Variants in RAB11FIP4 observed in about 807,000 individuals in gnomAD.
RAB11FIP4 encodes RAB11 family interacting protein 4, also known as rab11 family-interacting protein 4.
RAB11FIP4 carries 23 observed loss-of-function variants against 74.3 expected under a neutral mutation model. That is an observed-to-expected ratio of 0.31 (90% confidence interval 0.22 to 0.44). RAB11FIP4 has a LOEUF of 0.44. Among genes scored for constraint, RAB11FIP4 ranks in the 20% least tolerant of loss-of-function variants. The pLI is 1.00. For missense variants in RAB11FIP4, 630 were observed against 863.9 expected (o/e 0.73, Z 3.39); for synonymous variants, 360 against 359.9 (o/e 1.00, Z 0.00).
chr17:31,451,695 G>T (rs767113490), intron 3 of RAB11FIP4, among the ~76,000 whole-genome samples: 21 of 152,006 alleles, frequency 1.4e-4, no homozygotes, highest in Non-Finnish European at 1.9e-4. Flanking sequence ...CCTTTGCCTG[G>T]CTTCCCCTTC....
At chr17:31,511,576 G>C (rs2072452976) in intron 3 of RAB11FIP4, among the ~76,000 whole-genome samples, 1 of 152,212 alleles carries the variant, frequency 6.6e-6, no homozygotes, top group Non-Finnish European at 1.5e-5. Flanking sequence ...CCCACTTAGG[G>C]TCCTTGCTCT....
Position 31,517,710 on chromosome 17 carries a change from C to CT in RAB11FIP4, c.402dup (p.Pro135SerfsTer14). 1.9e-6 allele frequency: 3 copies of CT among 1,606,212 alleles called. No individual in the cohort carries two copies. The highest frequency in any genetic ancestry group is 1.7e-6 in the Non-Finnish European group (2 of 1,177,056). ...GCGAGCTCATCCCCAGGGAACCCGGCTTTTTTCCCGAGGACGAGGAGGAGG... is the reference window on the plus strand; with the variant it reads ...GCGAGCTCATCCCCAGGGAACCCGGCTTTTTTTCCCGAGGACGAGGAGGAGG... On this transcript the variant is annotated frameshift_variant, in exon 4 of 15. Transcript: ENST00000621161. LOFTEE classifies it high-confidence loss of function.
At chr17:31,397,549 C>T (rs1180176932) in intron 1 of RAB11FIP4, among the ~76,000 whole-genome samples, 3 of 152,182 alleles carry the variant, frequency 2.0e-5, no homozygotes, top group African/African-American at 2.4e-5. Flanking sequence ...GCCCAGGTGC[C>T]CTGAGCCTGG....
chr17:31,513,717 GACAA>G (rs1333674204), intron 3 of RAB11FIP4, among the ~76,000 whole-genome samples: 3 of 152,220 alleles, frequency 2.0e-5, no homozygotes, highest in Admixed American at 6.5e-5. Flanking sequence ...GATTGCCTTG[GACAA>G]ACAACTGTGG....
chr17:31,435,449 C>A (rs542494253), intron 3 of RAB11FIP4, among the ~76,000 whole-genome samples: 9 of 152,200 alleles, frequency 5.9e-5, no homozygotes, highest in Non-Finnish European at 1.0e-4. Flanking sequence ...CTTCATCCTA[C>A]AGAGAAACAG....
chr17:31,447,235 G>A (rs1425271923), intron 3 of RAB11FIP4, among the ~76,000 whole-genome samples: 1 of 152,210 alleles, frequency 6.6e-6, no homozygotes, highest in Non-Finnish European at 1.5e-5. Flanking sequence ...AATGAGCCGA[G>A]ATTGTGCCAC....
At chr17:31,506,703 A>G (rs1030222534) in intron 3 of RAB11FIP4, among the ~76,000 whole-genome samples, 1 of 152,168 alleles carries the variant, frequency 6.6e-6, no homozygotes, top group African/African-American at 2.4e-5. Context: ...CATGTCACAA[A>G]TGACAGGATT....
intron 1 of RAB11FIP4, among the ~76,000 whole-genome samples, chr17:31,403,419 T>G (rs1233563310): frequency 6.6e-6 from 1 of 151,756 alleles, no homozygotes; most frequent in African/African-American, 2.4e-5. Context: ...GCCTCCCAGG[T>G]TCCAGCAATT....
intron 10 of RAB11FIP4, chr17:31,527,243 G>A (rs1409948816): frequency 6.6e-6 from 1 of 152,254 alleles, no homozygotes; most frequent in East Asian, 1.9e-4. Context: ...GTTGTCTGAG[G>A]ATCTGAAGGA....
intron 3 of RAB11FIP4, among the ~76,000 whole-genome samples, chr17:31,499,288 G>A (rs1433347420): frequency 6.6e-6 from 1 of 152,138 alleles, no homozygotes; most frequent in Non-Finnish European, 1.5e-5. Flanking sequence ...AAAACTGCAG[G>A]ATACTTCAGG....
chr17:31,473,129 T>C (rs1597937930), intron 3 of RAB11FIP4, among the ~76,000 whole-genome samples: 2 of 150,500 alleles, frequency 1.3e-5, no homozygotes, highest in African/African-American at 4.9e-5. Context: ...GATGGGAAGG[T>C]GGAATGGAAT....
chr17:31,403,717 G>C (rs1251899761), intron 1 of RAB11FIP4, among the ~76,000 whole-genome samples: 1 of 152,226 alleles, frequency 6.6e-6, no homozygotes, highest in Non-Finnish European at 1.5e-5. Context: ...AACTGGTGGA[G>C]CTGGGATTAG....
chr17:31,495,765 G>A (rs760322559), intron 3 of RAB11FIP4, among the ~76,000 whole-genome samples: 1 of 152,188 alleles, frequency 6.6e-6, no homozygotes, highest in African/African-American at 2.4e-5. Context: ...ATGATTATCT[G>A]CACGATTGCA....
intron 3 of RAB11FIP4, among the ~76,000 whole-genome samples, chr17:31,453,220 G>A (rs564098456): frequency 5.5e-4 from 84 of 152,054 alleles, no homozygotes; most frequent in African/African-American, 1.7e-3. Flanking sequence ...GCATGGTGGC[G>A]TGTGCCTGTA....
chr17:31,500,327 A>C (rs1597959373), intron 3 of RAB11FIP4, among the ~76,000 whole-genome samples: 1 of 152,094 alleles, frequency 6.6e-6, no homozygotes, highest in African/African-American at 2.4e-5. Context: ...CCCTCTGAGC[A>C]GGGTGCCCAC....
intron 1 of RAB11FIP4, among the ~76,000 whole-genome samples, chr17:31,428,444 G>A (rs1010907890): frequency 2.0e-5 from 3 of 152,204 alleles, no homozygotes; most frequent in Middle Eastern, 3.4e-3. Flanking sequence ...TGCAGGCCCC[G>A]GGTGCCCTCA....
chr17:31,517,519 G>T (rs2072579658), intron 3 of RAB11FIP4, 132 bp from the exon 4 acceptor site: 18 of 784,596 alleles, frequency 2.3e-5, no homozygotes. Flanking sequence ...CCCACGCTTA[G>T]GGTTCGGGAT....
rs572672717 is a variant in RAB11FIP4 at position 31,397,757 on chromosome 17, C to T, written c.159+5746C>T. ...CACACTCTGCATTGAGGCGGGAGGA[C>T]GAGTCCTAGCTGGGGCACCCTCTGG... On this transcript the variant is annotated intron_variant, in intron 1 of 14. Coordinates refer to ENST00000621161, the MANE Select transcript of RAB11FIP4 (RefSeq NM_032932.6). Among the ~76,000 whole-genome samples, 674 of 152,204 alleles carry T rather than the reference C, an allele frequency of 4.4e-3. 7 individuals carry two copies. Among genetic ancestry groups the T allele is most frequent in the African/African-American group, 0.015 (641 of 41,532 alleles).
intron 4 of RAB11FIP4, 69 bp downstream of exon 4, chr17:31,517,946 C>A: frequency 7.9e-7 from 1 of 1,264,724 alleles, no homozygotes; most frequent in Non-Finnish European, 1.1e-6. Flanking sequence ...TGGAAAGTGT[C>A]TCCAGGAAGT....
Sources: allele counts gnomAD v4.1 joint callset (sites outside exome capture counted in the v4.1 genomes callset), GRCh38; gene constraint gnomAD v4.1.1; transcripts MANE v1.5; gene names NCBI Gene and HGNC (gene_info 2026-07-23, HGNC 2026-07-21).